The following WARS2 variants were observed in gnomAD, a reference collection of about 807,000 sequenced individuals.
The protein encoded by WARS2 is tryptophanyl tRNA synthetase 2, mitochondrial, also known as tryptophan--tRNA ligase, mitochondrial.
Under a neutral mutation model 36.5 loss-of-function variants are expected in WARS2, and 28 were observed. The ratio of observed to expected loss-of-function variants is 0.77; its 90% CI spans 0.57 to 1.05. WARS2 has a LOEUF of 1.05. Ranked by LOEUF, WARS2 falls within the 50% of genes least tolerant of loss-of-function variation. WARS2 has a pLI of 0.00. For missense variants in WARS2, 435 were observed against 456.8 expected (o/e 0.95, Z 0.44); for synonymous variants, 174 against 178.4 (o/e 0.98, Z 0.20).
intron 1 of WARS2, among the ~76,000 whole-genome samples, chr1:119,124,658 T>C (rs1655536647): frequency 6.6e-6 from 1 of 152,166 alleles, no homozygotes. Flanking sequence ...TTGGTCTCCT[T>C]GCTTCTATTC....
intron 2 of WARS2, among the ~76,000 whole-genome samples, chr1:119,048,638 C>T (rs903557536): frequency 6.6e-6 from 1 of 152,132 alleles, no homozygotes; most frequent in Admixed American, 6.5e-5. Context: ...AAGGCATGGT[C>T]TATGGCTAGG....
At chr1:119,092,737 C>T (rs1348669589) in intron 1 of WARS2, among the ~76,000 whole-genome samples, 1 of 152,164 alleles carries the variant, frequency 6.6e-6, no homozygotes, top group Admixed American at 6.5e-5. Flanking sequence ...TTTAATAGTA[C>T]TGATTTATAG....
intron 2 of WARS2, among the ~76,000 whole-genome samples, chr1:119,046,189 G>C (rs544999226): frequency 1.3e-5 from 2 of 151,498 alleles, no homozygotes; most frequent in South Asian, 4.2e-4. Flanking sequence ...TTGAAAGTTA[G>C]AGATCACTTT....
intron 1 of WARS2, among the ~76,000 whole-genome samples, chr1:119,118,643 G>C (rs780596706): frequency 2.0e-5 from 3 of 152,122 alleles, no homozygotes; most frequent in African/African-American, 4.8e-5. Context: ...TTTATCTAAA[G>C]TCAAGATGAA....
intron 2 of WARS2, among the ~76,000 whole-genome samples, chr1:119,053,238 A>G (rs917242905): frequency 1.3e-5 from 2 of 152,146 alleles, no homozygotes; most frequent in Admixed American, 6.5e-5. Flanking sequence ...AAAAATGGAG[A>G]AGGAGGAGGA....
rs751264352 is a variant in WARS2 at position 119,056,186 on chromosome 1, A to ATTT, written c.349-10527_349-10525dup. ...AGGCAAGTGCCACCATGCCTGGCTA[A>ATTT]TTTTTTTTTTTTTTTTTTTTTTGTA... is the stretch of plus-strand genomic sequence containing the variant. On this transcript the variant is annotated intron_variant, in intron 2 of 5. Coordinates refer to ENST00000235521, the MANE Select transcript of WARS2 (RefSeq NM_015836.4). Among the ~76,000 whole-genome samples, 16 of 116,144 alleles carry ATTT rather than the reference A, an allele frequency of 1.4e-4. No individual in the cohort carries two copies. The South Asian group carries it at 2.3e-3, about 17-fold the overall frequency. The allele number at this position is 116,144 out of a possible 152,430, so 76.2% of individuals were successfully genotyped here.
At chr1:119,092,667 A>G (rs755802953) in intron 1 of WARS2, among the ~76,000 whole-genome samples, 4 of 152,170 alleles carry the variant, frequency 2.6e-5, no homozygotes, top group Non-Finnish European at 5.9e-5. Flanking sequence ...TCCTCCAATT[A>G]CTAGCTATGT....
intron 1 of WARS2, among the ~76,000 whole-genome samples, chr1:119,102,070 TGGG>T (rs992807474): frequency 3.4e-4 from 2 of 5,954 alleles, no homozygotes; most frequent in Non-Finnish European, 7.8e-4. Flanking sequence ...CGGTGGGGGT[TGGG>T]GGGGTGGGCA....
Position 119,033,224 on chromosome 1 carries a change from TC to T in WARS2, c.769del (p.Asp257ThrfsTer19). On this transcript the variant is annotated frameshift_variant, in exon 6 of 6. Transcript: ENST00000235521. LOFTEE classifies it high-confidence loss of function. ...IVQKFRKAVT[D>X]FTSEVTYDPA... ...GTCATAGGTGACCTCCGAGGTGAAG[TC>T]TGTCACAGCCTTGCGGAATTTCTGC... 6.2e-7 allele frequency: 1 copy of T among 1,614,226 alleles called. No homozygotes were observed. Among genetic ancestry groups the T allele is most frequent in the Non-Finnish European group, 8.5e-7 (1 of 1,180,026 alleles).
intron 1 of WARS2, among the ~76,000 whole-genome samples, chr1:119,098,152 G>A (rs1040634296): frequency 7.9e-5 from 12 of 152,052 alleles, no homozygotes; most frequent in Non-Finnish European, 1.5e-4. Flanking sequence ...GGGAGGCTGA[G>A]GCAGAAGAAT....
chr1:119,103,044 A>G (rs1303312464), intron 1 of WARS2, among the ~76,000 whole-genome samples: 1 of 152,166 alleles, frequency 6.6e-6, no homozygotes, highest in Non-Finnish European at 1.5e-5. Context: ...TTTTTCTGCT[A>G]CAACAGGTAA....
At chr1:119,090,376 G>GT (rs1189714480) in intron 1 of WARS2, among the ~76,000 whole-genome samples, 2 of 152,038 alleles carry the variant, frequency 1.3e-5, no homozygotes, top group Admixed American at 1.3e-4. Flanking sequence ...TTCCTTAGCT[G>GT]TAAAATGGGA....
rs760082699 is a variant in WARS2, at chr1:119,085,540, G to A, written c.91-8933C>T. 23 of 1,610,432 alleles carry A rather than the reference G, an allele frequency of 1.4e-5. No individual in the cohort carries two copies. The Admixed American group carries it at 1.5e-4, about 11-fold the overall frequency. On this transcript the variant is annotated intron_variant, in intron 1 of 5. Transcript: ENST00000235521. ...TCAGACAAACTTGGTGAGGGGGTACGAGCCCCACAGCCCTTCTCCTGGAGC... is the reference window on the plus strand; with the variant it reads ...TCAGACAAACTTGGTGAGGGGGTACAAGCCCCACAGCCCTTCTCCTGGAGC...
intron 1 of WARS2, among the ~76,000 whole-genome samples, chr1:119,120,651 T>C (rs1571388351): frequency 6.6e-6 from 1 of 151,822 alleles, no homozygotes. Context: ...AAATCTTCTA[T>C]AGCTAACTGA....
chr1:119,046,514 AT>A (rs113950723), intron 2 of WARS2, among the ~76,000 whole-genome samples: 42,734 of 140,808 alleles, frequency 0.3, 6,649 homozygotes, highest in African/African-American at 0.45. Flanking sequence ...CATCCGGCTA[AT>A]TTTTTTTTTT....
chr1:119,138,190 G>C (rs1656649730), intron 1 of WARS2, among the ~76,000 whole-genome samples: 1 of 152,098 alleles, frequency 6.6e-6, no homozygotes, highest in South Asian at 2.1e-4. Context: ...TAATGCATCT[G>C]GTTTAAGAAT....
intron 1 of WARS2, chr1:119,085,460 T>C: frequency 6.6e-7 from 1 of 1,526,120 alleles, no homozygotes; most frequent in Non-Finnish European, 8.8e-7. Context: ...CTTTTTCTTT[T>C]TTTCCTTTTT....
chr1:119,085,777 C>G, intron 1 of WARS2: 1 of 1,601,012 alleles, frequency 6.2e-7, no homozygotes, highest in Non-Finnish European at 8.5e-7. Flanking sequence ...ACAATCTCCC[C>G]ATACTGTGAG....
At chr1:119,139,833 G>T (rs1156431205) in intron 1 of WARS2, 2 of 152,018 alleles carry the variant, frequency 1.3e-5, no homozygotes, top group African/African-American at 4.8e-5. Flanking sequence ...TAACTGAAAG[G>T]GTATCCCCTC....
Sources: gnomAD v4.1 joint callset for allele counts (sites outside exome capture counted in the v4.1 genomes callset) on GRCh38, gnomAD v4.1.1 for gene constraint, MANE v1.5 for transcripts, NCBI Gene and HGNC (gene_info 2026-07-23, HGNC 2026-07-21) for gene names.